The following CYTH1 variants were observed in gnomAD, a reference collection of about 807,000 sequenced individuals.
The protein encoded by CYTH1 is cytohesin 1.
CYTH1 carries 18 observed loss-of-function variants against 61.8 expected under a neutral mutation model. That is an observed-to-expected ratio of 0.29 (90% CI 0.20 to 0.43). The LOEUF (loss-of-function observed/expected upper bound fraction) is 0.43. Among genes scored for constraint, CYTH1 ranks in the 20% least tolerant of loss-of-function variants. The pLI is 1.00. For missense variants in CYTH1, 336 were observed against 510.5 expected (o/e 0.66, Z 3.29); for synonymous variants, 174 against 184.3 (o/e 0.94, Z 0.45).
chr17:78,770,366 A>C (rs561583415), intron 1 of CYTH1, among the ~76,000 whole-genome samples: 146 of 151,798 alleles, frequency 9.6e-4, no homozygotes, highest in Middle Eastern at 3.4e-3. Context: ...AAAAAAAAAA[A>C]AACAAAGAAA....
intron 3 of CYTH1, among the ~76,000 whole-genome samples, chr17:78,705,394 C>A (rs772773022): frequency 2.6e-5 from 4 of 152,154 alleles, no homozygotes; most frequent in African/African-American, 2.4e-5. Flanking sequence ...AGTGGCTTTC[C>A]CCAGCCTACA....
chr17:78,696,430 C>A (rs960478999), intron 9 of CYTH1, among the ~76,000 whole-genome samples: 7 of 152,220 alleles, frequency 4.6e-5, no homozygotes, highest in Non-Finnish European at 7.3e-5. Context: ...AGAATGCACA[C>A]ACATATACCC....
intron 1 of CYTH1, among the ~76,000 whole-genome samples, chr17:78,753,864 A>G (rs1423623824): frequency 6.6e-6 from 1 of 152,214 alleles, no homozygotes; most frequent in East Asian, 1.9e-4. Flanking sequence ...TCAAACACCA[A>G]AAAACCCTTG....
chr17:78,740,398 T>C (rs1229001054), intron 1 of CYTH1, among the ~76,000 whole-genome samples: 2 of 152,252 alleles, frequency 1.3e-5, no homozygotes, highest in African/African-American at 4.8e-5. Context: ...CACTATTCAA[T>C]GCCTCATTCT....
At chr17:78,726,818 C>T (rs2093269327) in intron 1 of CYTH1, among the ~76,000 whole-genome samples, 1 of 152,166 alleles carries the variant, frequency 6.6e-6, no homozygotes, top group South Asian at 2.1e-4. Flanking sequence ...AGAAAAGGGA[C>T]TGGAAGCTTT....
intron 8 of CYTH1, 71 bp downstream of exon 8, chr17:78,698,749 C>T: frequency 1.4e-6 from 2 of 1,464,924 alleles, no homozygotes; most frequent in South Asian, 1.4e-5. Context: ...TTTCTTCCTT[C>T]CTACAAAAGA....
At chr17:78,781,652 A>G (rs1350298093) in intron 1 of CYTH1, among the ~76,000 whole-genome samples, 1 of 152,068 alleles carries the variant, frequency 6.6e-6, no homozygotes, top group East Asian at 1.9e-4. Context: ...TTCTGAACAA[A>G]GACGTGGACC....
At chr17:78,713,395 C>T (rs933313390) in intron 1 of CYTH1, among the ~76,000 whole-genome samples, 3 of 152,208 alleles carry the variant, frequency 2.0e-5, no homozygotes, top group Middle Eastern at 3.4e-3. Flanking sequence ...ACAGCTGCTC[C>T]GCAAGAGGCT....
chr17:78,711,302 A>AAATAATAT (rs1349893231), intron 1 of CYTH1, among the ~76,000 whole-genome samples: 1 of 132,250 alleles, frequency 7.6e-6, no homozygotes, highest in African/African-American at 3.0e-5. Context: ...ATAAATAAAT[A>AAATAATAT]ATATATATAT....
intron 1 of CYTH1, among the ~76,000 whole-genome samples, chr17:78,752,422 T>G (rs967175478): frequency 2.6e-5 from 4 of 152,098 alleles, no homozygotes; most frequent in Admixed American, 6.5e-5. Flanking sequence ...GCCGATCATC[T>G]CAGACAGGAC....
At chr17:78,729,917 A>G (rs1416932386) in intron 1 of CYTH1, among the ~76,000 whole-genome samples, 3 of 151,982 alleles carry the variant, frequency 2.0e-5, no homozygotes, top group African/African-American at 7.2e-5. Context: ...GGAGGCCTGG[A>G]CTCTTCCTCT....
At chr17:78,729,546 T>A (rs2093282615) in intron 1 of CYTH1, among the ~76,000 whole-genome samples, 1 of 151,800 alleles carries the variant, frequency 6.6e-6, no homozygotes, top group African/African-American at 2.4e-5. Flanking sequence ...GCTGGGAGAG[T>A]GTAAACTGGT....
intron 1 of CYTH1, among the ~76,000 whole-genome samples, chr17:78,746,384 C>A (rs2093359393): frequency 6.6e-6 from 1 of 152,196 alleles, no homozygotes; most frequent in South Asian, 2.1e-4. Flanking sequence ...CTCTATTCCT[C>A]ACCATGTAGA....
At chr17:78,733,749 A>G (rs2093306961) in intron 1 of CYTH1, among the ~76,000 whole-genome samples, 1 of 152,260 alleles carries the variant, frequency 6.6e-6, no homozygotes, top group Non-Finnish European at 1.5e-5. Flanking sequence ...CAGATGGACA[A>G]GAACAGAATG....
chr17:78,697,849 C>T (rs1185820780), intron 9 of CYTH1, among the ~76,000 whole-genome samples: 1 of 152,132 alleles, frequency 6.6e-6, no homozygotes, highest in African/African-American at 2.4e-5. Flanking sequence ...GGCAAACGGA[C>T]CAGGTGCTCA....
At chr17:78,753,208 C>A (rs1251744567) in intron 1 of CYTH1, among the ~76,000 whole-genome samples, 1 of 152,156 alleles carries the variant, frequency 6.6e-6, no homozygotes, top group Admixed American at 6.5e-5. Context: ...GCCTTCAATC[C>A]TAGCACGTTG....
rs1335739278 is a variant in CYTH1, at chr17:78,674,976, C to G, written c.*1115G>C. 6.6e-6 allele frequency: 1 copy of G among 152,346 alleles called. No individual in the cohort carries two copies. The highest frequency in any genetic ancestry group is 2.4e-5 in the African/African-American group (1 of 41,466). 9.4% of individuals were successfully genotyped at this position (152,346 alleles called of 1,614,324 possible). ...AGCAGATAAAGGCCCATCTTCCCCT[C>G]TAGGGGGCCCACCACAAAATGCATC... On this transcript the variant is annotated 3_prime_UTR_variant, in exon 14 of 14. Transcript: ENST00000446868.
intron 11 of CYTH1, among the ~76,000 whole-genome samples, chr17:78,684,217 C>T (rs1234742968): frequency 6.6e-6 from 1 of 152,220 alleles, no homozygotes; most frequent in African/African-American, 2.4e-5. Context: ...CTTCTCAGCA[C>T]ACTCATCCTG....
At chr17:78,710,119 CAG>C (rs1189180951) in intron 1 of CYTH1, among the ~76,000 whole-genome samples, 1 of 152,132 alleles carries the variant, frequency 6.6e-6, no homozygotes. Context: ...TGGTCAAAAA[CAG>C]AGTCTCCGAG....
Sources: gnomAD v4.1 joint callset for allele counts (sites outside exome capture counted in the v4.1 genomes callset) on GRCh38, gnomAD v4.1.1 for gene constraint, MANE v1.5 for transcripts, NCBI Gene and HGNC (gene_info 2026-07-23, HGNC 2026-07-21) for gene names.